The following PRTG variants were observed in gnomAD, a reference collection of about 807,000 sequenced individuals.
The protein encoded by PRTG is immunoglobulin superfamily, DCC subclass, member 5.
PRTG carries 67 observed loss-of-function variants against 122.5 expected under a neutral mutation model. The observed-to-expected ratio is 0.55, with a 90% CI of 0.45 to 0.67. PRTG has a LOEUF of 0.67. PRTG is among the 30% of genes least tolerant of loss of function. PRTG has a pLI of 0.00. For missense variants in PRTG, 1,435 were observed against 1,415.4 expected, an observed-to-expected ratio of 1.01 and a Z score of -0.22; for synonymous variants, 554 against 501.1, an observed-to-expected ratio of 1.11 and a Z score of -1.41.
At chr15:55,630,913 G>A (rs1205169414) in intron 15 of PRTG, among the ~76,000 whole-genome samples, 1 of 152,152 alleles carries the variant, frequency 6.6e-6, no homozygotes, top group African/African-American at 2.4e-5. Flanking sequence ...AATAGTTTGT[G>A]ACAGTTGCCT....
At chr15:55,686,195 C>T (rs532006977) in intron 2 of PRTG, among the ~76,000 whole-genome samples, 221 of 152,056 alleles carry the variant, frequency 1.5e-3, no homozygotes, top group Admixed American at 1.0e-3. Context: ...GAATTAGGAC[C>T]TACATTTCCG....
At chr15:55,732,215 G>A (rs1418018189) in intron 2 of PRTG, among the ~76,000 whole-genome samples, 1 of 152,168 alleles carries the variant, frequency 6.6e-6, no homozygotes, top group Non-Finnish European at 1.5e-5. Flanking sequence ...TTGAGACAGA[G>A]TCTTACTCTG....
At chr15:55,630,073 G>A (rs1045412953) in intron 15 of PRTG, among the ~76,000 whole-genome samples, 2 of 149,378 alleles carry the variant, frequency 1.3e-5, no homozygotes, top group African/African-American at 2.5e-5. Context: ...TGTCAGCTCC[G>A]CCGCCCAGGT....
chr15:55,640,403 C>G (rs1233647594), intron 12 of PRTG, among the ~76,000 whole-genome samples: 3 of 152,162 alleles, frequency 2.0e-5, no homozygotes, highest in Non-Finnish European at 2.9e-5. Context: ...AAATGTCATT[C>G]TGCTGTGCGT....
rs1567067860 is a variant in PRTG, at chr15:55,612,737, T to TATATATATATATATATATATATAC, written c.*7274_*7275insGTATATATATATATATATATATAT. 3.7e-5 allele frequency: 2 copies of TATATATATATATATATATATATAC among 54,324 alleles called. No individual in the cohort carries two copies. Among genetic ancestry groups the TATATATATATATATATATATATAC allele is most frequent in the African/African-American group, 9.2e-5 (2 of 21,680 alleles). The allele number at this position is 54,324 out of a possible 1,614,324, so 3.4% of individuals were successfully genotyped here. A position where few individuals can be genotyped will look rare whatever the true frequency, so the allele number is the denominator to read the frequency against. On this transcript the variant is annotated 3_prime_UTR_variant, in exon 20 of 20. Coordinates refer to ENST00000389286, the MANE Select transcript of PRTG (RefSeq NM_173814.6). The stretch of plus-strand genomic sequence containing the variant: ...ATATATATATATATATATATATATA[T>TATATATATATATATATATATATAC]ATATATATATATGACTTAAATTGGA...
At chr15:55,679,670 T>C (rs747889606) in intron 6 of PRTG, 6 of 465,134 alleles carry the variant, frequency 1.3e-5, no homozygotes, top group Non-Finnish European at 2.3e-5. Flanking sequence ...ATAGACACAC[T>C]TAAAATATAT....
At chr15:55,674,562 C>T (rs961778880) in intron 9 of PRTG, among the ~76,000 whole-genome samples, 5 of 152,092 alleles carry the variant, frequency 3.3e-5, no homozygotes, top group African/African-American at 1.2e-4. Flanking sequence ...GTGGAACAGG[C>T]TCTTCAATGA....
intron 2 of PRTG, among the ~76,000 whole-genome samples, chr15:55,735,657 G>A (rs1484346497): frequency 7.5e-6 from 1 of 133,782 alleles, no homozygotes; most frequent in Non-Finnish European, 1.6e-5. Flanking sequence ...AATAAAATAA[G>A]TACATTTTTA....
At chr15:55,675,182 C>A (rs2059495367) in intron 9 of PRTG, among the ~76,000 whole-genome samples, 1 of 152,124 alleles carries the variant, frequency 6.6e-6, no homozygotes, top group South Asian at 2.1e-4. Context: ...CTGGTCACTA[C>A]ATACACTCAA....
intron 2 of PRTG, among the ~76,000 whole-genome samples, chr15:55,736,750 T>C (rs2031425550): frequency 1.3e-5 from 2 of 152,178 alleles, no homozygotes; most frequent in African/African-American, 4.8e-5. Flanking sequence ...AATTATTTTT[T>C]ACCCAAGTGA....
chr15:55,694,160 C>T (rs1170916977), intron 2 of PRTG, among the ~76,000 whole-genome samples: 4 of 152,118 alleles, frequency 2.6e-5, no homozygotes, highest in Non-Finnish European at 5.9e-5. Context: ...AGATAGGTAA[C>T]TAAGTTCAGA....
At chr15:55,704,739 G>A (rs1288239109) in intron 2 of PRTG, among the ~76,000 whole-genome samples, 1 of 152,120 alleles carries the variant, frequency 6.6e-6, no homozygotes, top group Non-Finnish European at 1.5e-5. Flanking sequence ...ATGACATTCA[G>A]TCACAAACTG....
chr15:55,695,615 C>T (rs1396027493), intron 2 of PRTG, among the ~76,000 whole-genome samples: 1 of 152,162 alleles, frequency 6.6e-6, no homozygotes, highest in African/African-American at 2.4e-5. Flanking sequence ...GTTCCAGAGG[C>T]CTCAGTGCTG....
intron 8 of PRTG, 40 bp downstream of exon 8, chr15:55,677,757 C>A (rs765879729): frequency 5.7e-6 from 9 of 1,592,776 alleles, no homozygotes; most frequent in Non-Finnish European, 7.7e-6. Context: ...TCCTTGATAG[C>A]AAGGAGTACT....
intron 2 of PRTG, among the ~76,000 whole-genome samples, chr15:55,722,930 G>A (rs563335494): frequency 6.6e-6 from 1 of 152,182 alleles, no homozygotes; most frequent in Non-Finnish European, 1.5e-5. Context: ...CCTGGAATAC[G>A]TGGAGAAAAA....
intron 11 of PRTG, among the ~76,000 whole-genome samples, chr15:55,659,547 A>G (rs1046984020): frequency 4.6e-5 from 7 of 152,152 alleles, no homozygotes; most frequent in Admixed American, 3.3e-4. Flanking sequence ...TCATAACACT[A>G]AAATTGGTAA....
At chr15:55,727,783 G>A (rs1310531200) in intron 2 of PRTG, among the ~76,000 whole-genome samples, 4 of 152,106 alleles carry the variant, frequency 2.6e-5, no homozygotes, top group African/African-American at 4.8e-5. Context: ...GCGACAGAGC[G>A]AGACTCCAAC....
In PRTG at chr15:55,692,997, C is replaced by T. The variant is rs549417832; in HGVS notation, c.398-9066G>A. On this transcript the variant is annotated intron_variant, in intron 2 of 19. Transcript: ENST00000389286. ...CTAGAACTACAGGTGGATGCCACCACGGCCAGCTAATTTTTTTTTTTTTTG... is the reference window on the plus strand; with the variant it reads ...CTAGAACTACAGGTGGATGCCACCATGGCCAGCTAATTTTTTTTTTTTTTG... Among the ~76,000 whole-genome samples the T allele has an allele frequency of 5.9e-5, 9 of 151,610 alleles. No individual in the cohort carries two copies. The East Asian group carries it at 7.8e-4, about 13-fold the overall frequency.
chr15:55,663,688 C>G (rs2059422262), intron 11 of PRTG, among the ~76,000 whole-genome samples: 1 of 151,802 alleles, frequency 6.6e-6, no homozygotes, highest in Admixed American at 6.6e-5. Flanking sequence ...ATTACAGGTA[C>G]CAGCCACCAC....
Sources: allele counts gnomAD v4.1 joint callset (sites outside exome capture counted in the v4.1 genomes callset), GRCh38; gene constraint gnomAD v4.1.1; transcripts MANE v1.5; gene names NCBI Gene and HGNC (gene_info 2026-07-23, HGNC 2026-07-21).